Variants in LCORL observed in about 807,000 individuals in gnomAD.
LCORL encodes ligand-dependent nuclear receptor corepressor-like protein.
In LCORL, 41 loss-of-function variants were observed where a neutral mutation model predicts 141.8. That is an observed-to-expected ratio of 0.29 (90% confidence interval 0.23 to 0.38). The LOEUF (loss-of-function observed/expected upper bound fraction) is 0.38. Among genes scored for constraint, LCORL ranks in the 10% least tolerant of loss-of-function variants. The pLI, the probability that LCORL is intolerant of heterozygous loss-of-function variation, is 1.00. For missense variants in LCORL, 1,759 were observed against 2,035.0 expected, an observed-to-expected ratio of 0.86 and a Z score of 2.61; for synonymous variants, 618 against 694.1, an observed-to-expected ratio of 0.89 and a Z score of 1.72.
At chr4:17,905,890 C>A (rs1731532230) in intron 5 of LCORL, among the ~76,000 whole-genome samples, 1 of 152,090 alleles carries the variant, frequency 6.6e-6, no homozygotes, top group Non-Finnish European at 1.5e-5. Flanking sequence ...ATGAGCTCTT[C>A]ATTGACTATA....
intron 7 of LCORL, among the ~76,000 whole-genome samples, chr4:17,858,285 C>T (rs1483561987): frequency 2.0e-5 from 3 of 150,344 alleles, no homozygotes; most frequent in Non-Finnish European, 3.0e-5. Context: ...AACTTAAAAA[C>T]ACAGAAATAG....
chr4:17,933,673 T>G (rs1195667601), intron 4 of LCORL, among the ~76,000 whole-genome samples: 1 of 152,082 alleles, frequency 6.6e-6, no homozygotes, highest in Admixed American at 6.5e-5. Flanking sequence ...TTTTTCTGCT[T>G]GTTTTGTTTT....
At chr4:17,974,053 G>A (rs989472830) in intron 1 of LCORL, among the ~76,000 whole-genome samples, 6 of 152,008 alleles carry the variant, frequency 3.9e-5, no homozygotes, top group Admixed American at 3.9e-4. Context: ...CCTACTACTC[G>A]AGCAAGCTAT....
intron 1 of LCORL, among the ~76,000 whole-genome samples, chr4:17,982,878 A>C (rs1384518687): frequency 1.3e-5 from 2 of 152,032 alleles, no homozygotes; most frequent in Non-Finnish European, 2.9e-5. Context: ...GGTTGTCTTC[A>C]AGGGTTTTTA....
chr4:17,873,838 T>C (rs1327563481), exon 7 of LCORL: 3 of 1,233,978 alleles, frequency 2.4e-6, no homozygotes, highest in East Asian at 6.3e-5. Context: ...GACCTCCAAC[T>C]ATTAGGACAT....
intron 4 of LCORL, among the ~76,000 whole-genome samples, chr4:17,943,843 A>C (rs1738388874): frequency 6.6e-6 from 1 of 152,158 alleles, no homozygotes; most frequent in Non-Finnish European, 1.5e-5. Flanking sequence ...ACATTATCAT[A>C]AGAATCCATA....
At position 17,975,402 on chromosome 4, in the gene LCORL, G is replaced by GT. The variant is rs966643621; in HGVS notation, c.155-2518dup. On this transcript the variant is annotated intron_variant, in intron 1 of 7. Transcript: ENST00000635767. The stretch of plus-strand genomic sequence containing the variant: ...ATCTTTCTCTTTGCTGAATTCTTTT[G>GT]TTTTTTTTTTTGAGACAGAGTCTTG... Among the ~76,000 whole-genome samples the GT allele has an allele frequency of 6.9e-3, 998 of 144,286 alleles. 5 individuals are homozygous for GT. The highest frequency in any genetic ancestry group is 0.016 in the African/African-American group (628 of 39,692). 94.7% of individuals were successfully genotyped at this position (144,286 alleles called of 152,430 possible).
chr4:18,015,827 C>A (rs893799593), intron 1 of LCORL, among the ~76,000 whole-genome samples: 6 of 148,326 alleles, frequency 4.0e-5, no homozygotes, highest in Non-Finnish European at 7.5e-5. Flanking sequence ...AGAGTAGATA[C>A]CGACAAAAAG....
At chr4:17,965,304 A>G (rs1336980488) in intron 2 of LCORL, among the ~76,000 whole-genome samples, 1 of 152,116 alleles carries the variant, frequency 6.6e-6, no homozygotes, top group Admixed American at 6.6e-5. Context: ...TTCTACATGG[A>G]AAAATAGCTT....
At chr4:17,866,565 A>G (rs1307725697) in intron 7 of LCORL, among the ~76,000 whole-genome samples, 1 of 152,160 alleles carries the variant, frequency 6.6e-6, no homozygotes, top group Non-Finnish European at 1.5e-5. Context: ...AGTAGCAAAT[A>G]AATGCATTTT....
chr4:17,936,415 G>A (rs977547939), intron 4 of LCORL, among the ~76,000 whole-genome samples: 15 of 149,602 alleles, frequency 1.0e-4, no homozygotes, highest in African/African-American at 3.7e-4. Context: ...AGTGATAGTG[G>A]CATAGTGGCA....
chr4:18,020,300 C>T (rs896392245), intron 1 of LCORL, among the ~76,000 whole-genome samples: 4 of 152,078 alleles, frequency 2.6e-5, no homozygotes, highest in Non-Finnish European at 5.9e-5. Flanking sequence ...CAGATGGAAA[C>T]AAGGTAAGAG....
At chr4:17,845,974 T>C (rs1255572653) in intron 7 of LCORL, 73 bp from the exon 8 acceptor site, 1 of 1,290,006 alleles carries the variant, frequency 7.8e-7, no homozygotes, top group Non-Finnish European at 1.1e-6. Context: ...TAAAAGAACA[T>C]TTAGTTGTAG....
chr4:17,889,442 A>G (rs1393569791), intron 5 of LCORL, among the ~76,000 whole-genome samples: 2 of 152,156 alleles, frequency 1.3e-5, no homozygotes, highest in African/African-American at 4.8e-5. Context: ...TTGCATTAAA[A>G]TTCTTTTATC....
exon 7 of LCORL, chr4:17,874,120 T>C: frequency 8.1e-7 from 1 of 1,231,748 alleles, no homozygotes; most frequent in Non-Finnish European, 1.0e-6. Context: ...TTTCTCCTTT[T>C]AGAGTTCCAG....
intron 7 of LCORL, chr4:17,867,137 A>G (rs943976522): frequency 5.6e-6 from 1 of 179,822 alleles, no homozygotes. Context: ...ATCAAACAAA[A>G]CAGAACAGCT....
At chr4:17,848,156 A>G (rs928671868) in intron 7 of LCORL, among the ~76,000 whole-genome samples, 1 of 152,192 alleles carries the variant, frequency 6.6e-6, no homozygotes, top group Non-Finnish European at 1.5e-5. Context: ...ATACTTATGT[A>G]TGGGAAGAAA....
At chr4:17,959,758 A>G (rs994651646) in intron 4 of LCORL, among the ~76,000 whole-genome samples, 10 of 152,060 alleles carry the variant, frequency 6.6e-5, no homozygotes, top group African/African-American at 2.2e-4. Context: ...AGGAATACTA[A>G]TGCCATCCAT....
intron 5 of LCORL, among the ~76,000 whole-genome samples, chr4:17,889,752 G>C (rs1409856309): frequency 6.6e-6 from 1 of 151,806 alleles, no homozygotes; most frequent in African/African-American, 2.4e-5. Context: ...GTGGGGGAAG[G>C]ATATTTTCTT....
Sources: gnomAD v4.1 joint callset for allele counts (sites outside exome capture counted in the v4.1 genomes callset) on GRCh38, gnomAD v4.1.1 for gene constraint, MANE v1.5 for transcripts, NCBI Gene and HGNC (gene_info 2026-07-23, HGNC 2026-07-21) for gene names.